PUDP: variants seen among roughly 807,000 people sequenced by gnomAD.
The protein encoded by PUDP is pseudouridine-5'-phosphatase.
A neutral mutation model predicts 9.4 loss-of-function variants in PUDP; 8 were observed. That is an observed-to-expected ratio of 0.85 (90% CI 0.50 to 1.53). The LOEUF (loss-of-function observed/expected upper bound fraction) is 1.53. Ranked by LOEUF, PUDP falls within the 40% of genes most tolerant of loss-of-function variation. The pLI, the probability that PUDP is intolerant of heterozygous loss-of-function variation, is 0.00. For synonymous variants in PUDP, 99 were observed against 80.7 expected, an observed-to-expected ratio of 1.23 and a Z score of -1.22; for missense variants, 188 against 189.7, an observed-to-expected ratio of 0.99 and a Z score of 0.05.
intron 2 of PUDP, among the ~76,000 whole-genome samples, chrX:7,079,950 C>A (rs1423303804): frequency 9.0e-6 from 1 of 110,580 alleles, no homozygotes; most frequent in Non-Finnish European, 1.9e-5. Flanking sequence ...CAAATTAAAC[C>A]CAAAACAAAT....
rs58269548 is a variant in PUDP at position 6,887,114 on chromosome X, A to G, written c.*247+90019T>C. Among the ~76,000 whole-genome samples the G allele has an allele frequency of 1.0e-3, 92 of 91,629 alleles. 1 individual carries two copies. In the East Asian group the frequency reaches 0.037, roughly 37 times the overall value. The allele number at this position is 91,629 out of a possible 115,157, so 79.6% of individuals were successfully genotyped here. On this transcript the variant is annotated intron_variant and NMD_transcript_variant, in intron 3 of 3. Coordinates refer to the PUDP transcript ENST00000655425. ...AATTATATATAATATATAATATATT[A>G]TATGATATATAAGTATATTTGATTT...
At chrX:7,082,896 G>A (rs1220460847) in intron 2 of PUDP, among the ~76,000 whole-genome samples, 6 of 112,770 alleles carry the variant, frequency 5.3e-5, no homozygotes, top group African/African-American at 1.9e-4. Context: ...CCCCCAAACA[G>A]AAGTCCTCAC....
intron 3 of PUDP, among the ~76,000 whole-genome samples, chrX:6,921,973 G>T (rs1928030895): frequency 9.0e-6 from 1 of 111,275 alleles, no homozygotes; most frequent in South Asian, 3.8e-4. Context: ...AGATGAATAT[G>T]GTTGGAAAAA....
chrX:7,086,605 T>A (rs1359664321), intron 2 of PUDP, among the ~76,000 whole-genome samples: 5 of 112,092 alleles, frequency 4.5e-5, no homozygotes, highest in African/African-American at 1.6e-4. Flanking sequence ...CTAGGGAGCA[T>A]GCTTCTTTCT....
At chrX:7,145,331 C>T (rs181101523) in intron 1 of PUDP, among the ~76,000 whole-genome samples, 16 of 111,915 alleles carry the variant, frequency 1.4e-4, no homozygotes, top group Non-Finnish European at 2.8e-4. Flanking sequence ...CTGCTCTGGA[C>T]AACAAACTGT....
chrX:6,828,512 A>G (rs949580322), intron 3 of PUDP, among the ~76,000 whole-genome samples: 1 of 111,854 alleles, frequency 8.9e-6, no homozygotes, highest in Admixed American at 9.5e-5. Context: ...CCAGCACAGT[A>G]GTGAATTTGT....
chrX:6,971,375 T>C (rs887409210), intron 3 of PUDP, among the ~76,000 whole-genome samples: 10 of 110,733 alleles, frequency 9.0e-5, no homozygotes, highest in African/African-American at 2.3e-4. Context: ...CTTTTTTGGT[T>C]CCATATGAAA....
chrX:7,101,350 A>AT (rs1931728367), intron 2 of PUDP, among the ~76,000 whole-genome samples: 1 of 112,087 alleles, frequency 8.9e-6, no homozygotes, highest in Non-Finnish European at 1.9e-5. Context: ...AGCCATCTAG[A>AT]TAAGTTCTAT....
chrX:7,115,394 A>T (rs182758323), intron 1 of PUDP, among the ~76,000 whole-genome samples: 89 of 112,492 alleles, frequency 7.9e-4, no homozygotes, highest in African/African-American at 2.4e-3. Flanking sequence ...CGCTATATAT[A>T]TATGTTCTAA....
At chrX:6,739,890 C>T (rs1924915255) in intron 3 of PUDP, among the ~76,000 whole-genome samples, 1 of 111,860 alleles carries the variant, frequency 8.9e-6, no homozygotes, top group African/African-American at 3.3e-5. Context: ...TTTCTAGAAC[C>T]TGGGAATAGG....
chrX:7,041,728 T>C (rs1244657466), intron 1 of PUDP, among the ~76,000 whole-genome samples: 1 of 112,144 alleles, frequency 8.9e-6, no homozygotes, highest in Non-Finnish European at 1.9e-5. Flanking sequence ...TCAAGCTTTC[T>C]GCATTCATGA....
chrX:6,741,240 G>C (rs1238507872), intron 3 of PUDP, among the ~76,000 whole-genome samples: 1 of 110,835 alleles, frequency 9.0e-6, no homozygotes, highest in African/African-American at 3.3e-5. Flanking sequence ...CTCTAAGCCA[G>C]TGGAAAATTG....
intron 2 of PUDP, among the ~76,000 whole-genome samples, chrX:7,102,317 C>CAAA: frequency 1.8e-5 from 1 of 56,649 alleles, no homozygotes; most frequent in Non-Finnish European, 3.4e-5. Context: ...AATAAGGAAC[C>CAAA]AAAAAAAAAA....
intron 3 of PUDP, among the ~76,000 whole-genome samples, chrX:7,072,827 A>AC (rs1306292353): frequency 2.7e-5 from 3 of 109,644 alleles, no homozygotes; most frequent in African/African-American, 9.9e-5. Context: ...AAAAAAAAAA[A>AC]AAAACAAAAC....
At chrX:6,938,786 C>CTTTTTTTTTT (rs764265665) in intron 3 of PUDP, among the ~76,000 whole-genome samples, 1 of 83,435 alleles carries the variant, frequency 1.2e-5, no homozygotes, top group Non-Finnish European at 2.3e-5. Flanking sequence ...TTCTTTCTTT[C>CTTTTTTTTTT]TTTTTTTTTT....
Position 7,077,289 on chromosome X carries a change from A to AT in PUDP, c.440dup (p.His147GlnfsTer29), listed in dbSNP as rs1224344365. The AT allele has an allele frequency of 8.3e-7, 1 of 1,208,734 alleles. No individual in the cohort carries two copies. Among genetic ancestry groups the AT allele is most frequent in the Admixed American group, 2.2e-5 (1 of 45,591 alleles). ...GGAAGATGTCCGGGTCTGGCTTGCCATGCTGCACTTCGGGGTCATCTCCCA... is the reference window on the plus strand; with the variant it reads ...GGAAGATGTCCGGGTCTGGCTTGCCATTGCTGCACTTCGGGGTCATCTCCCA... On this transcript the variant is annotated frameshift_variant, in exon 3 of 4. Transcript: ENST00000381077. LOFTEE classifies it high-confidence loss of function.
Position 7,050,147 on chromosome X carries a change from A to G in PUDP, c.*149T>C, listed in dbSNP as rs915052749. On this transcript the variant is annotated 3_prime_UTR_variant, in exon 4 of 4. Transcript: ENST00000381077. The stretch of plus-strand genomic sequence containing the variant: ...CATTTTATCAACACGTTAGACTGGG[A>G]CAAACCAACATGGGATGGAAACTCC... 12 of 532,046 alleles carry G rather than the reference A, an allele frequency of 2.3e-5. No individual in the cohort carries two copies. In the African/African-American group the frequency reaches 2.8e-4, roughly 13 times the overall value. 43.8% of individuals were successfully genotyped at this position (532,046 alleles called of 1,213,427 possible). A position where few individuals can be genotyped will look rare whatever the true frequency, so the allele number is the denominator to read the frequency against.
chrX:6,964,346 C>T (rs953442877), intron 3 of PUDP, among the ~76,000 whole-genome samples: 1 of 111,986 alleles, frequency 8.9e-6, no homozygotes, highest in Non-Finnish European at 1.9e-5. Flanking sequence ...ATTCGATTCC[C>T]TACTTTGGGA....
chrX:6,724,295 C>G (rs1006062554), upstream of PUDP, among the ~76,000 whole-genome samples: 3 of 110,321 alleles, frequency 2.7e-5, no homozygotes, highest in African/African-American at 3.3e-5. Context: ...AAATTCAAAC[C>G]CTGAAAGGTC....
Sources: allele counts gnomAD v4.1 joint callset (sites outside exome capture counted in the v4.1 genomes callset), GRCh38; gene constraint gnomAD v4.1.1; transcripts MANE v1.5; gene names NCBI Gene and HGNC (gene_info 2026-07-23, HGNC 2026-07-21).